Variants in CFHR3 observed in about 807,000 individuals in gnomAD.
CFHR3 encodes the protein complement factor H-related protein 3.
Under a neutral mutation model 36.0 loss-of-function variants are expected in CFHR3, and 22 were observed. The ratio of observed to expected loss-of-function variants is 0.61; its 90% confidence interval spans 0.44 to 0.87. The LOEUF is 0.87. CFHR3 is among the 40% of genes least tolerant of loss of function. The pLI is 0.00. For synonymous variants in CFHR3, 97 were observed against 137.4 expected (o/e 0.71, Z 2.06); for missense variants, 276 against 401.3 (o/e 0.69, Z 2.67).
rs1164270773 is a variant in CFHR3, at chr1:196,780,659, CTT to C, written c.430+689_430+690del. On this transcript the variant is annotated intron_variant, in intron 3 of 5. Transcript: ENST00000367425. ...CTTAATAATTCTGAAGGTAAAATCT[CTT>C]TTAATTATATGTAATGCAAATGCAT... 2.9e-5 allele frequency among the ~76,000 whole-genome samples: 4 copies of C among 136,370 alleles called. 1 individual carries two copies. Among genetic ancestry groups the C allele is most frequent in the East Asian group, 1.9e-4 (1 of 5,136 alleles). The allele number at this position is 136,370 out of a possible 152,430, so 89.5% of individuals were successfully genotyped here.
chr1:196,776,779 CA>C (rs776706572), intron 1 of CFHR3, among the ~76,000 whole-genome samples: 1 of 135,100 alleles, frequency 7.4e-6, no homozygotes, highest in Non-Finnish European at 1.6e-5. Flanking sequence ...GATATTTACA[CA>C]ATGTATTAAA....
In CFHR3 at chr1:196,784,450, A is replaced by G. The variant is rs1386325592; in HGVS notation, c.431-3766A>G. Among the ~76,000 whole-genome samples, 14 of 135,250 alleles carry G rather than the reference A, an allele frequency of 1.0e-4. 4 individuals carry two copies. Among genetic ancestry groups the G allele is most frequent in the African/African-American group, 4.4e-4 (14 of 31,808 alleles). 88.7% of individuals were successfully genotyped at this position (135,250 alleles called of 152,430 possible). ...TGTGTGGGAGTCTAAGTCTCTTTGT[A>G]GGTCACTCCAGACTTGCTTTATGAA... On this transcript the variant is annotated intron_variant, in intron 3 of 5. Transcript: ENST00000367425.
At position 196,784,250 on chromosome 1, in the gene CFHR3, G is replaced by A. The variant is rs1322396217; in HGVS notation, c.431-3966G>A. The stretch of plus-strand genomic sequence containing the variant: ...ATGTGGTCAATTTTGGAATTGGTGT[G>A]GTGTGGTGCTGAAAAAAATGTATAT... On this transcript the variant is annotated intron_variant, in intron 3 of 5. Coordinates refer to ENST00000367425, the MANE Select transcript of CFHR3 (RefSeq NM_021023.6). Among the ~76,000 whole-genome samples the A allele has an allele frequency of 2.9e-4, 39 of 136,432 alleles. 9 individuals carry two copies. Among genetic ancestry groups the A allele is most frequent in the African/African-American group, 1.2e-3 (38 of 32,564 alleles). The allele number at this position is 136,432 out of a possible 152,430, so 89.5% of individuals were successfully genotyped here.
intron 3 of CFHR3, among the ~76,000 whole-genome samples, chr1:196,781,984 G>T (rs1158654494): frequency 7.3e-6 from 1 of 137,028 alleles, no homozygotes; most frequent in African/African-American, 3.1e-5. Context: ...TTTGTATAAG[G>T]TGTAAGGAAG....
At chr1:196,786,115 C>A (rs563412811) in intron 3 of CFHR3, among the ~76,000 whole-genome samples, 3 of 136,574 alleles carry the variant, frequency 2.2e-5, no homozygotes, top group Non-Finnish European at 4.7e-5. Context: ...TGCAGAACAG[C>A]GGATTTTCAT....
intron 1 of CFHR3, among the ~76,000 whole-genome samples, chr1:196,778,051 T>C (rs1368826730): frequency 7.5e-6 from 1 of 134,200 alleles, no homozygotes; most frequent in Non-Finnish European, 1.6e-5. Flanking sequence ...TGTCCCTTTC[T>C]TCTTCAGACT....
At chr1:196,789,973 T>TA (rs1286152973) in intron 4 of CFHR3, 72 bp from the exon 5 acceptor site, 1 of 1,153,286 alleles carries the variant, frequency 8.7e-7, no homozygotes, top group Non-Finnish European at 1.2e-6. Flanking sequence ...TAAGAGTATA[T>TA]AAAAAGCTTT....
In CFHR3 at chr1:196,788,291, A is replaced by G; in HGVS notation, c.506A>G (p.Lys169Arg). ...TCTTCCTCTATTTATATTTTAAATA[A>G]AGAAATACAATATAAATGTAAACCA... Reference protein sequence around the residue: ...SESSSIYILNKEIQYKCKPGY... With the variant: ...SESSSIYILNREIQYKCKPGY... The change falls in exon 4 of 6, where the codon AAA becomes AGA. Residue 169 changes from lysine to arginine, a missense_variant. Physicochemically the swap from Lys to Arg is conservative, Grantham distance 26. Coordinates refer to ENST00000367425, the MANE Select transcript of CFHR3 (RefSeq NM_021023.6). 11 of 1,471,506 alleles carry G rather than the reference A, an allele frequency of 7.5e-6. 2 individuals are homozygous for G. Among genetic ancestry groups the G allele is most frequent in the East Asian group, 4.6e-5 (2 of 43,914 alleles). 91.2% of individuals were successfully genotyped at this position (1,471,506 alleles called of 1,614,324 possible). A position where few individuals can be genotyped will look rare whatever the true frequency, so the allele number is the denominator to read the frequency against.
chr1:196,782,246 A>G (rs1653984899), intron 3 of CFHR3, among the ~76,000 whole-genome samples: 1 of 137,042 alleles, frequency 7.3e-6, no homozygotes, highest in African/African-American at 3.1e-5. Flanking sequence ...TGATGCCTCC[A>G]GCTTTGTTCT....
chr1:196,781,648 T>C (rs1475996447), intron 3 of CFHR3, among the ~76,000 whole-genome samples: 4 of 135,964 alleles, frequency 2.9e-5, no homozygotes, highest in Non-Finnish European at 6.2e-5. Context: ...TTGATGGGGT[T>C]GTTTGTTTTT....
rs1654156066 is a variant in CFHR3, at chr1:196,785,426, C to T, written c.431-2790C>T. 1.5e-5 allele frequency among the ~76,000 whole-genome samples: 2 copies of T among 134,584 alleles called. 1 individual carries two copies. Among genetic ancestry groups the T allele is most frequent in the Non-Finnish European group, 3.1e-5 (2 of 64,136 alleles). 88.3% of individuals were successfully genotyped at this position (134,584 alleles called of 152,430 possible). ...TCCAACTTGGTTCCATTCTCCCCGT[C>T]ACTTTCAGGTACACCAATCAGATGT... On this transcript the variant is annotated intron_variant, in intron 3 of 5. Coordinates refer to ENST00000367425, the MANE Select transcript of CFHR3 (RefSeq NM_021023.6).
In CFHR3 at chr1:196,789,631, A is replaced by G. The variant is rs1248834992; in HGVS notation, c.614-414A>G. ...ATTAACTTTTAAATTCACAAATTTA[A>G]AAGCGGTTTAAGCTCCGTGACACAT... is the stretch of plus-strand genomic sequence containing the variant. On this transcript the variant is annotated intron_variant, in intron 4 of 5. Transcript: ENST00000367425. 2.8e-6 allele frequency: 4 copies of G among 1,407,360 alleles called. 1 individual carries two copies. Among genetic ancestry groups the G allele is most frequent in the African/African-American group, 3.6e-5 (2 of 55,186 alleles). 87.2% of individuals were successfully genotyped at this position (1,407,360 alleles called of 1,614,324 possible). A position where few individuals can be genotyped will look rare whatever the true frequency, so the allele number is the denominator to read the frequency against.
In CFHR3 at chr1:196,788,023, G is replaced by GTC. The variant is rs1254798010; in HGVS notation, c.431-192_431-191insCT. 3.7e-5 allele frequency among the ~76,000 whole-genome samples: 5 copies of GTC among 136,876 alleles called. 1 individual carries two copies. Among genetic ancestry groups the GTC allele is most frequent in the African/African-American group, 9.2e-5 (3 of 32,716 alleles). The allele number at this position is 136,876 out of a possible 152,430, so 89.8% of individuals were successfully genotyped here. The stretch of plus-strand genomic sequence containing the variant: ...TTGCTTTCATTCTGCCCTTCCCTGT[G>GTC]TTCAACATTTCCTTCAGAAATTCGT... On this transcript the variant is annotated intron_variant, in intron 3 of 5. Transcript: ENST00000367425.
At position 196,794,458 on chromosome 1, in the gene CFHR3, G is replaced by C; in HGVS notation, c.*945G>C. 1 of 367,754 alleles carries C rather than the reference G, an allele frequency of 2.7e-6. No homozygotes were observed. The highest frequency in any genetic ancestry group is 5.3e-6 in the Non-Finnish European group (1 of 189,854). The allele number at this position is 367,754 out of a possible 1,614,324, so 22.8% of individuals were successfully genotyped here. A position where few individuals can be genotyped will look rare whatever the true frequency, so the allele number is the denominator to read the frequency against. On this transcript the variant is annotated 3_prime_UTR_variant, in exon 6 of 6. Coordinates refer to ENST00000367425, the MANE Select transcript of CFHR3 (RefSeq NM_021023.6). The stretch of plus-strand genomic sequence containing the variant: ...AGCCTGGGCAATAGAGTGAGACTCT[G>C]TCTTAAAAATAAATAAATAGGATGC...
intron 3 of CFHR3, among the ~76,000 whole-genome samples, chr1:196,780,590 T>C (rs1653907514): frequency 7.3e-6 from 1 of 137,114 alleles, no homozygotes; most frequent in East Asian, 2.0e-4. Context: ...TGATTTCTTT[T>C]ATTTATCTTT....
rs776546121 is a variant in CFHR3, at chr1:196,775,056, A to G, written c.58+112A>G. ...ATGAATCAAAGAGGATTTATTCACT[A>G]TGCTAGTAGAAGTGACATATTTTGT... On this transcript the variant is annotated intron_variant, in intron 1 of 5. Coordinates refer to ENST00000367425, the MANE Select transcript of CFHR3 (RefSeq NM_021023.6). 8.6e-6 allele frequency: 8 copies of G among 932,890 alleles called. 1 individual carries two copies. The highest frequency in any genetic ancestry group is 2.1e-5 in the African/African-American group (1 of 47,976). 57.8% of individuals were successfully genotyped at this position (932,890 alleles called of 1,614,324 possible).
At position 196,793,508 on chromosome 1, in the gene CFHR3, G is replaced by A. The variant is rs372994316; in HGVS notation, c.988G>A (p.Glu330Lys). The change falls in exon 6 of 6, where the codon GAA (glutamate) becomes AAA (lysine). Residue 330 changes from glutamate (E) to lysine (K), a missense_variant. Glu to Lys is a moderately conservative substitution (Grantham distance 56). This residue lies in a region of CFHR3 where 76 missense variants were observed against 79.8 expected (regional missense o/e 0.95). Coordinates refer to ENST00000367425, the MANE Select transcript of CFHR3 (RefSeq NM_021023.6). ...REGIVEYPRC[E>K] ...AGGGATAGTGGAATACCCCAGATGC[G>A]AATAAGGCAGCATTGTTACCCTAAA... 2.2e-5 allele frequency: 34 copies of A among 1,522,408 alleles called. 8 individuals carry two copies. In the African/African-American group the frequency reaches 2.3e-4, roughly 10 times the overall value. 94.3% of individuals were successfully genotyped at this position (1,522,408 alleles called of 1,614,324 possible).
rs114378348 is a variant in CFHR3, at chr1:196,792,660, G to A, written c.797-657G>A. On this transcript the variant is annotated intron_variant, in intron 5 of 5. Transcript: ENST00000367425. ...AGAGTAATTTGTCCATAATCATGTA[G>A]GGATTCATATTAACTCTGTGTGCTT... 9.1e-3 allele frequency among the ~76,000 whole-genome samples: 1,240 copies of A among 135,924 alleles called. 192 individuals are homozygous for A. Among genetic ancestry groups the A allele is most frequent in the Middle Eastern group, 0.016 (4 of 258 alleles). The allele number at this position is 135,924 out of a possible 152,430, so 89.2% of individuals were successfully genotyped here. A position where few individuals can be genotyped will look rare whatever the true frequency, so the allele number is the denominator to read the frequency against.
chr1:196,790,157 C>T lies in CFHR3; in HGVS notation c.726C>T (p.Tyr242=). 4 of 1,371,298 alleles carry T rather than the reference C, an allele frequency of 2.9e-6. 1 individual carries two copies. 84.9% of individuals were successfully genotyped at this position (1,371,298 alleles called of 1,614,324 possible). Residue 242 remains tyrosine, a synonymous_variant, in exon 5 of 6, where the codon TAC becomes TAT. Coordinates refer to ENST00000367425, the MANE Select transcript of CFHR3 (RefSeq NM_021023.6). ...GAGTCGAGTACCAATGCCAGCCCTACTATGAACTTCAGGGTTCTAATTATG... is the reference window on the plus strand; with the variant it reads ...GAGTCGAGTACCAATGCCAGCCCTATTATGAACTTCAGGGTTCTAATTATG... ...QSRVEYQCQP[Y]YELQGSNYVT... is the part of the protein sequence containing the mutation.
Sources: allele counts gnomAD v4.1 joint callset (sites outside exome capture counted in the v4.1 genomes callset), GRCh38; gene constraint gnomAD v4.1.1; regional missense constraint gnomAD v4.1.1; transcripts MANE v1.5; gene names NCBI Gene and HGNC (gene_info 2026-07-23, HGNC 2026-07-21).